RANBP2: variants seen among roughly 807,000 people sequenced by gnomAD.
RANBP2 encodes E3 SUMO-protein ligase RanBP2.
Under a neutral mutation model 303.6 loss-of-function variants are expected in RANBP2, and 57 were observed. The ratio of observed to expected loss-of-function variants is 0.19; its 90% CI spans 0.15 to 0.23. The LOEUF (loss-of-function observed/expected upper bound fraction) is 0.23. Ranked by LOEUF, RANBP2 falls within the 10% of genes least tolerant of loss-of-function variation. RANBP2 has a pLI of 1.00. For missense variants in RANBP2, 3,138 were observed against 3,780.8 expected (o/e 0.83, Z 4.46); for synonymous variants, 1,167 against 1,301.5 (o/e 0.90, Z 2.23).
the RANBP2 span, among the ~76,000 whole-genome samples, chr2:109,471,068 A>G: frequency 6.6e-6 from 1 of 152,020 alleles, no homozygotes; most frequent in Non-Finnish European, 1.5e-5. Context: ...AAAAACACAA[A>G]AATTAGTTGG....
the RANBP2 span, among the ~76,000 whole-genome samples, chr2:109,277,381 C>T: frequency 3.9e-5 from 6 of 152,136 alleles, no homozygotes; most frequent in East Asian, 1.9e-4. Context: ...TATGTGACCC[C>T]GGCCTCGGTG....
chr2:109,518,147 T>C, the RANBP2 span, among the ~76,000 whole-genome samples: 1 of 152,212 alleles, frequency 6.6e-6, no homozygotes, highest in Non-Finnish European at 1.5e-5. Flanking sequence ...ACTCACAGGG[T>C]AAAATATAAA....
At chr2:108,922,098 C>CT in the RANBP2 span, among the ~76,000 whole-genome samples, 1 of 152,258 alleles carries the variant, frequency 6.6e-6, no homozygotes, top group Admixed American at 6.5e-5. Context: ...TCTGCTCTGG[C>CT]TGCCAGACAT....
chr2:109,012,310 G>C, the RANBP2 span, among the ~76,000 whole-genome samples: 1 of 152,154 alleles, frequency 6.6e-6, no homozygotes, highest in Non-Finnish European at 1.5e-5. Context: ...AGGAAAGGGT[G>C]GGGGGTCTCC....
the RANBP2 span, among the ~76,000 whole-genome samples, chr2:109,221,501 G>A: frequency 6.6e-6 from 1 of 150,410 alleles, no homozygotes; most frequent in African/African-American, 2.5e-5. Context: ...AGAATTGCTT[G>A]AACCTGGGAG....
chr2:109,465,545 A>G, the RANBP2 span, among the ~76,000 whole-genome samples: 4 of 152,190 alleles, frequency 2.6e-5, no homozygotes, highest in Non-Finnish European at 5.9e-5. Flanking sequence ...GTGGTCTCTC[A>G]TTGTTATTAT....
At chr2:109,025,753 A>G in the RANBP2 span, among the ~76,000 whole-genome samples, 1 of 151,338 alleles carries the variant, frequency 6.6e-6, no homozygotes, top group Non-Finnish European at 1.5e-5. Context: ...AGCCGAGATC[A>G]CGCCACTGCA....
At chr2:109,139,861 T>C in the RANBP2 span, among the ~76,000 whole-genome samples, 119 of 152,350 alleles carry the variant, frequency 7.8e-4, no homozygotes, top group Non-Finnish European at 1.0e-3. Context: ...GTTTGACATC[T>C]GGAGTCGTGT....
chr2:109,012,528 G>A, the RANBP2 span, among the ~76,000 whole-genome samples: 28 of 152,156 alleles, frequency 1.8e-4, no homozygotes, highest in African/African-American at 4.3e-4. Flanking sequence ...TGGCCCCTCC[G>A]GCACTTCACA....
the RANBP2 span, among the ~76,000 whole-genome samples, chr2:109,443,665 G>A: frequency 6.6e-5 from 10 of 152,056 alleles, no homozygotes; most frequent in Non-Finnish European, 1.0e-4. Context: ...AGGCAATTTC[G>A]TAACAATAAA....
the RANBP2 span, among the ~76,000 whole-genome samples, chr2:109,271,016 C>T: frequency 6.6e-6 from 1 of 152,310 alleles, no homozygotes; most frequent in African/African-American, 2.4e-5. Flanking sequence ...CCTCATTGAA[C>T]ATTTACTATG....
chr2:108,758,623 A>C, intron 18 of RANBP2, 75 bp downstream of exon 18: 1 of 1,604,336 alleles, frequency 6.2e-7, no homozygotes, highest in Non-Finnish European at 8.5e-7. Context: ...ATAACGTGTG[A>C]AATCACCTTG....
chr2:108,860,320 C>G, the RANBP2 span, among the ~76,000 whole-genome samples: 1 of 151,952 alleles, frequency 6.6e-6, no homozygotes, highest in East Asian at 1.9e-4. Flanking sequence ...CTTTGGATGC[C>G]TTTTATTTCT....
At chr2:109,678,000 G>A in the RANBP2 span, among the ~76,000 whole-genome samples, 1 of 152,204 alleles carries the variant, frequency 6.6e-6, no homozygotes, top group Admixed American at 6.5e-5. Flanking sequence ...ATGGGCATCA[G>A]GCAGTGCACC....
At chr2:109,580,103 A>G in the RANBP2 span, among the ~76,000 whole-genome samples, 1 of 152,136 alleles carries the variant, frequency 6.6e-6, no homozygotes, top group East Asian at 1.9e-4. Flanking sequence ...CCTGGGCGAC[A>G]AGAGTGAAGT....
chr2:109,044,525 AAAAT>A, the RANBP2 span, among the ~76,000 whole-genome samples: 155 of 152,182 alleles, frequency 1.0e-3, no homozygotes, highest in African/African-American at 3.3e-3. Flanking sequence ...TCTGTCGCAA[AAAAT>A]AAATAAATAA....
At chr2:109,565,907 A>C in the RANBP2 span, 3 of 1,441,560 alleles carry the variant, frequency 2.1e-6, no homozygotes, top group Non-Finnish European at 2.9e-6. Context: ...GTGATAACTG[A>C]CTAGATAAAA....
the RANBP2 span, among the ~76,000 whole-genome samples, chr2:109,246,714 CT>C: frequency 1.3e-5 from 2 of 152,202 alleles, no homozygotes; most frequent in African/African-American, 4.8e-5. Context: ...CTGGATGTCT[CT>C]GCTCAGATGG....
chr2:109,222,637 C>T, the RANBP2 span, among the ~76,000 whole-genome samples: 2 of 152,210 alleles, frequency 1.3e-5, no homozygotes, highest in Non-Finnish European at 2.9e-5. Context: ...AGGGTGGTGC[C>T]CTGGTGGCCT....
Sources: gnomAD v4.1 joint callset for allele counts (sites outside exome capture counted in the v4.1 genomes callset) on GRCh38, gnomAD v4.1.1 for gene constraint, MANE v1.5 for transcripts, NCBI Gene and HGNC (gene_info 2026-07-23, HGNC 2026-07-21) for gene names.